Variants in NR3C2 observed in about 807,000 individuals in gnomAD.
The protein encoded by NR3C2 is nuclear receptor subfamily 3 group C member 2.
Under a neutral mutation model 86.4 loss-of-function variants are expected in NR3C2, and 15 were observed. That is an observed-to-expected ratio of 0.17 (90% CI 0.12 to 0.27). NR3C2 has a LOEUF of 0.27. NR3C2 is among the 10% of genes least tolerant of loss of function. The pLI, the probability that NR3C2 is intolerant of heterozygous loss-of-function variation, is 1.00. For missense variants in NR3C2, 960 were observed against 1,195.6 expected (o/e 0.80, Z 2.91); for synonymous variants, 458 against 450.5 (o/e 1.02, Z -0.21).
chr4:148,141,598 C>G (rs1165739174), intron 6 of NR3C2, among the ~76,000 whole-genome samples: 1 of 152,118 alleles, frequency 6.6e-6, no homozygotes, highest in Non-Finnish European at 1.5e-5. Flanking sequence ...AAAAGAAGTA[C>G]TATAGAGCAG....
Position 148,088,772 on chromosome 4 carries a change from G to A in NR3C2, c.2800-7273C>T, listed in dbSNP as rs191666887. ...GAGAAATACCTAATGTAGATGACAG[G>A]TTGATGGGTGCAGCAAACCACCATG... is the stretch of plus-strand genomic sequence containing the variant. On this transcript the variant is annotated intron_variant, in intron 8 of 8. Transcript: ENST00000358102. Among the ~76,000 whole-genome samples, 33 of 152,208 alleles carry A rather than the reference G, an allele frequency of 2.2e-4. 1 individual carries two copies. The East Asian group carries it at 6.0e-3, about 28-fold the overall frequency.
chr4:148,186,986 GTGTATGTATGTATATATATATATA>G (rs1289156341), intron 4 of NR3C2, among the ~76,000 whole-genome samples: 10,094 of 101,230 alleles, frequency 0.1, 1,218 homozygotes, highest in African/African-American at 0.19. Context: ...ATACTGATGT[GTGTATGTATGTATATATATATATA>G]TATATATATA....
intron 4 of NR3C2, among the ~76,000 whole-genome samples, chr4:148,172,576 C>A (rs546319119): frequency 5.2e-4 from 79 of 152,268 alleles, no homozygotes; most frequent in Non-Finnish European, 9.4e-4. Flanking sequence ...ATAATGAAAT[C>A]TTTTGTGTCT....
Position 148,206,474 on chromosome 4 carries a change from T to C in NR3C2, c.1898-11612A>G, listed in dbSNP as rs1737011559. On this transcript the variant is annotated intron_variant, in intron 3 of 8. Coordinates refer to ENST00000358102, the MANE Select transcript of NR3C2 (RefSeq NM_000901.5). The stretch of plus-strand genomic sequence containing the variant: ...ACCTACTTAGCTTGTCAAAGCCGAG[T>C]AGATATTTTCTGCTTTCATATTCTA... Among the ~76,000 whole-genome samples, 7 of 152,056 alleles carry C rather than the reference T, an allele frequency of 4.6e-5. No individual in the cohort carries two copies. The South Asian group carries it at 1.5e-3, about 32-fold the overall frequency.
At chr4:148,289,328 T>A (rs1490565562) in intron 2 of NR3C2, among the ~76,000 whole-genome samples, 2 of 151,438 alleles carry the variant, frequency 1.3e-5, no homozygotes, top group Non-Finnish European at 2.9e-5. Flanking sequence ...CTCTGAAATC[T>A]TAGTGATAAG....
chr4:148,246,455 G>C (rs183604859), intron 3 of NR3C2, among the ~76,000 whole-genome samples: 2 of 152,324 alleles, frequency 1.3e-5, no homozygotes, highest in Non-Finnish European at 2.9e-5. Context: ...ATATCCACAA[G>C]TATCTGAAAT....
intron 2 of NR3C2, among the ~76,000 whole-genome samples, chr4:148,426,899 G>A (rs1174216576): frequency 6.6e-6 from 1 of 151,848 alleles, no homozygotes; most frequent in Non-Finnish European, 1.5e-5. Flanking sequence ...AACTCATGTA[G>A]CCAAAGTAAC....
chr4:148,266,091 T>G (rs1740375960), intron 2 of NR3C2, among the ~76,000 whole-genome samples: 1 of 150,980 alleles, frequency 6.6e-6, no homozygotes, highest in Admixed American at 6.6e-5. Context: ...TTTTTTTTTT[T>G]GAGACAAGAG....
intron 2 of NR3C2, among the ~76,000 whole-genome samples, chr4:148,342,895 C>T (rs1744817352): frequency 2.6e-5 from 4 of 152,102 alleles, no homozygotes; most frequent in Admixed American, 2.0e-4. Flanking sequence ...GTATGAGAAA[C>T]TTCAAAGTGC....
chr4:148,196,899 G>A (rs1241071586), intron 3 of NR3C2, among the ~76,000 whole-genome samples: 1 of 152,186 alleles, frequency 6.6e-6, no homozygotes, highest in Non-Finnish European at 1.5e-5. Context: ...GTTTCATGAT[G>A]TTGTACAGCA....
At chr4:148,239,086 T>G (rs1456354818) in intron 3 of NR3C2, among the ~76,000 whole-genome samples, 1 of 152,134 alleles carries the variant, frequency 6.6e-6, no homozygotes, top group Non-Finnish European at 1.5e-5. Context: ...TGAAAAGTGA[T>G]GAAACTAGAG....
rs1737468534 is a variant in NR3C2 at position 148,215,191 on chromosome 4, A to G, written c.1898-20329T>C. Among the ~76,000 whole-genome samples, 2 of 152,266 alleles carry G rather than the reference A, an allele frequency of 1.3e-5. 1 individual carries two copies. The highest frequency in any genetic ancestry group is 4.1e-4 in the South Asian group (2 of 4,836). ...AAAGGGAAAACAAGGCATCCAGAAT[A>G]CAGGCATGTCCCTGAATGGTGTTAC... On this transcript the variant is annotated intron_variant, in intron 3 of 8. Coordinates refer to ENST00000358102, the MANE Select transcript of NR3C2 (RefSeq NM_000901.5).
At chr4:148,400,649 C>A (rs1197635091) in intron 2 of NR3C2, among the ~76,000 whole-genome samples, 1 of 151,748 alleles carries the variant, frequency 6.6e-6, no homozygotes, top group Non-Finnish European at 1.5e-5. Context: ...CATTGGGATG[C>A]ATGCCTGTAG....
intron 4 of NR3C2, among the ~76,000 whole-genome samples, chr4:148,172,136 G>A (rs903692872): frequency 2.2e-4 from 34 of 151,752 alleles, no homozygotes; most frequent in African/African-American, 7.5e-4. Flanking sequence ...TGTCTCGGGG[G>A]CTTATTTGTC....
intron 8 of NR3C2, among the ~76,000 whole-genome samples, chr4:148,112,014 G>C (rs1732067210): frequency 6.6e-6 from 1 of 152,066 alleles, no homozygotes; most frequent in Non-Finnish European, 1.5e-5. Context: ...AACCCCCACA[G>C]ACACTAATTT....
At chr4:148,319,364 T>C (rs546594936) in intron 2 of NR3C2, among the ~76,000 whole-genome samples, 3 of 152,336 alleles carry the variant, frequency 2.0e-5, no homozygotes, top group African/African-American at 7.2e-5. Context: ...ATGTGGGCTC[T>C]TTTCTGGTTC....
intron 2 of NR3C2, among the ~76,000 whole-genome samples, chr4:148,430,820 A>G (rs72645620): frequency 9.9e-4 from 150 of 152,278 alleles, no homozygotes; most frequent in African/African-American, 3.3e-3. Flanking sequence ...TTGGTTTGTC[A>G]TATAATGTGA....
intron 6 of NR3C2, among the ~76,000 whole-genome samples, chr4:148,145,890 G>A (rs1006890889): frequency 2.0e-5 from 3 of 152,128 alleles, no homozygotes; most frequent in African/African-American, 4.8e-5. Flanking sequence ...GAAAAGGGAT[G>A]TATGGGGCAG....
At chr4:148,081,672 C>CA (rs1471454106) in intron 8 of NR3C2, among the ~76,000 whole-genome samples, 173 bp from the exon 9 acceptor site, 5 of 152,150 alleles carry the variant, frequency 3.3e-5, no homozygotes, top group Admixed American at 1.3e-4. Context: ...GAAGGGTGCT[C>CA]ACATCACCCA....
Sources: gnomAD v4.1 joint callset for allele counts (sites outside exome capture counted in the v4.1 genomes callset) on GRCh38, gnomAD v4.1.1 for gene constraint, MANE v1.5 for transcripts, NCBI Gene and HGNC (gene_info 2026-07-23, HGNC 2026-07-21) for gene names.